Variants in LNX2 observed in about 807,000 individuals in gnomAD.
LNX2 encodes the protein ligand of numb-protein X 2, also known as ligand of Numb protein X 2.
Under a neutral mutation model 66.2 loss-of-function variants are expected in LNX2, and 35 were observed. The observed-to-expected ratio is 0.53, with a 90% CI of 0.40 to 0.70. The LOEUF (loss-of-function observed/expected upper bound fraction) is 0.70. Ranked by LOEUF, LNX2 falls within the 30% of genes least tolerant of loss-of-function variation. LNX2 has a pLI of 0.00. For missense variants in LNX2, 791 were observed against 850.8 expected, an observed-to-expected ratio of 0.93 and a Z score of 0.87; for synonymous variants, 337 against 315.6, an observed-to-expected ratio of 1.07 and a Z score of -0.72.
chr13:27,561,363 C>T (rs769632436), intron 5 of LNX2, among the ~76,000 whole-genome samples: 8 of 151,892 alleles, frequency 5.3e-5, no homozygotes, highest in African/African-American at 9.7e-5. Context: ...CTTTCTTCTT[C>T]CTCCTCCTCT....
At position 27,548,100 on chromosome 13, in the gene LNX2, ATTCTG is replaced by A; in HGVS notation, c.*230_*234del. ...GTAACATTTTAACAACTAAGTCTGA[ATTCTG>A]AAAATATAAACTCACAAAGGTTAGT... On this transcript the variant is annotated 3_prime_UTR_variant, in exon 10 of 10. Coordinates refer to ENST00000316334, the MANE Select transcript of LNX2 (RefSeq NM_153371.4). 2.1e-6 allele frequency: 1 copy of A among 478,816 alleles called. No homozygotes were observed. The highest frequency in any genetic ancestry group is 3.7e-6 in the Non-Finnish European group (1 of 270,036). The allele number at this position is 478,816 out of a possible 1,614,324, so 29.7% of individuals were successfully genotyped here.
chr13:27,557,453 A>T (rs113083953), intron 6 of LNX2, among the ~76,000 whole-genome samples: 345 of 152,210 alleles, frequency 2.3e-3, no homozygotes, highest in African/African-American at 7.9e-3. Flanking sequence ...TACATATTGT[A>T]TATATGCACC....
At chr13:27,613,870 A>G (rs1218097099) in intron 1 of LNX2, among the ~76,000 whole-genome samples, 1 of 152,256 alleles carries the variant, frequency 6.6e-6, no homozygotes. Context: ...TTTAAATACT[A>G]CAAGGGCAGA....
rs1415225372 is a variant in LNX2 at position 27,581,699 on chromosome 13, C to T, written c.5G>A (p.Gly2Glu). M[G>E]TTSDEMVSVE... ...AGACACCATCTCATCACTTGTTGTT[C>T]CCATTTTGAATCAATTCTGTATCCT... Residue 2 changes from glycine (G) to glutamate (E), a missense_variant, in exon 2 of 10, where the codon GGA becomes GAA. Gly to Glu is a moderately conservative substitution (Grantham distance 98). Coordinates refer to ENST00000316334, the MANE Select transcript of LNX2 (RefSeq NM_153371.4). 53 of 1,594,596 alleles carry T rather than the reference C, an allele frequency of 3.3e-5. No individual in the cohort carries two copies. The highest frequency in any genetic ancestry group is 4.4e-5 in the Non-Finnish European group (51 of 1,170,646).
intron 1 of LNX2, among the ~76,000 whole-genome samples, chr13:27,606,704 C>T (rs1431773112): frequency 6.6e-6 from 1 of 152,076 alleles, no homozygotes; most frequent in African/African-American, 2.4e-5. Context: ...TCCAGGCGAA[C>T]CAGGTAGCTG....
At chr13:27,593,309 C>T (rs989225850) in intron 1 of LNX2, among the ~76,000 whole-genome samples, 5 of 152,120 alleles carry the variant, frequency 3.3e-5, no homozygotes, top group Non-Finnish European at 5.9e-5. Context: ...AAAATAAAAA[C>T]AAATCATTCT....
chr13:27,550,654 A>T (rs1954997411), intron 8 of LNX2, among the ~76,000 whole-genome samples, 163 bp from the exon 9 acceptor site: 1 of 152,194 alleles, frequency 6.6e-6, no homozygotes, highest in Non-Finnish European at 1.5e-5. Flanking sequence ...TAGCAGAGAC[A>T]CAGTCCTAGG....
chr13:27,562,509 G>C lies in LNX2; in HGVS notation c.1128C>G (p.Ala376=). The stretch of plus-strand genomic sequence containing the variant: ...CATTGCTGCTTAGCCTGCCGTCCTG[G>C]GCAGCCAACCCCCCTTCCAACAGGT... ...ILDLLEGGLA[A]QDGRLSSNDR... is the part of the protein sequence containing the mutation. The change falls in exon 5 of 10, where the codon GCC becomes GCG. Residue 376 remains alanine, a synonymous_variant. Coordinates refer to ENST00000316334, the MANE Select transcript of LNX2 (RefSeq NM_153371.4). 1 of 1,614,066 alleles carries C rather than the reference G, an allele frequency of 6.2e-7. No individual in the cohort carries two copies. The highest frequency in any genetic ancestry group is 8.5e-7 in the Non-Finnish European group (1 of 1,180,004).
chr13:27,583,256 G>GCC (rs1955439642), intron 1 of LNX2, among the ~76,000 whole-genome samples: 1 of 46,532 alleles, frequency 2.1e-5, no homozygotes, highest in Admixed American at 2.5e-4. Flanking sequence ...GTGTGTGTGT[G>GCC]CGCGCGTCCT....
At chr13:27,594,196 CTTT>C (rs1242119963) in intron 1 of LNX2, among the ~76,000 whole-genome samples, 2 of 151,168 alleles carry the variant, frequency 1.3e-5, no homozygotes, top group East Asian at 3.9e-4. Context: ...TAATTTGCAT[CTTT>C]TTTAGTCCAG....
intron 1 of LNX2, among the ~76,000 whole-genome samples, chr13:27,604,307 T>A (rs1405305320): frequency 1.3e-5 from 2 of 152,208 alleles, no homozygotes; most frequent in African/African-American, 4.8e-5. Flanking sequence ...CCCTCTCAGA[T>A]GAGGAGAGCA....
chr13:27,589,921 C>T (rs879362877), intron 1 of LNX2, among the ~76,000 whole-genome samples: 1 of 152,210 alleles, frequency 6.6e-6, no homozygotes, highest in Non-Finnish European at 1.5e-5. Flanking sequence ...TCTTCATTAA[C>T]AGCAGTCTTC....
intron 1 of LNX2, among the ~76,000 whole-genome samples, chr13:27,594,444 A>C (rs1355717429): frequency 6.6e-6 from 1 of 152,168 alleles, no homozygotes; most frequent in Non-Finnish European, 1.5e-5. Context: ...GTAATTGAAT[A>C]CACTCACTTT....
chr13:27,613,397 C>A (rs1333112547), intron 1 of LNX2, among the ~76,000 whole-genome samples: 1 of 152,072 alleles, frequency 6.6e-6, no homozygotes, highest in African/African-American at 2.4e-5. Context: ...GACGGAGGTC[C>A]AACTACAGGA....
At chr13:27,591,901 C>CA (rs1417142379) in intron 1 of LNX2, among the ~76,000 whole-genome samples, 1 of 152,004 alleles carries the variant, frequency 6.6e-6, no homozygotes, top group African/African-American at 2.4e-5. Flanking sequence ...AATTTAAAAC[C>CA]AAAAAGAAGT....
chr13:27,553,169 A>G, intron 8 of LNX2, 39 bp downstream of exon 8: 1 of 1,540,056 alleles, frequency 6.5e-7, no homozygotes, highest in African/African-American at 1.4e-5. Context: ...TGCAAGCATG[A>G]TTATGATTTC....
chr13:27,599,823 G>C (rs1235054455), intron 1 of LNX2, among the ~76,000 whole-genome samples: 1 of 152,020 alleles, frequency 6.6e-6, no homozygotes, highest in Non-Finnish European at 1.5e-5. Flanking sequence ...TCAAACTCAA[G>C]AAACACACAT....
chr13:27,603,543 G>A (rs573852327), intron 1 of LNX2, among the ~76,000 whole-genome samples: 2 of 152,296 alleles, frequency 1.3e-5, no homozygotes, highest in Admixed American at 1.3e-4. Flanking sequence ...AACTCAGCAG[G>A]TGACAGTCCA....
chr13:27,586,203 A>T (rs1468655019), intron 1 of LNX2, among the ~76,000 whole-genome samples: 2 of 151,978 alleles, frequency 1.3e-5, no homozygotes, highest in Non-Finnish European at 2.9e-5. Flanking sequence ...TTAAAAATAG[A>T]GAATCAAATG....
Sources: gnomAD v4.1 joint callset for allele counts (sites outside exome capture counted in the v4.1 genomes callset) on GRCh38, gnomAD v4.1.1 for gene constraint, MANE v1.5 for transcripts, NCBI Gene and HGNC (gene_info 2026-07-23, HGNC 2026-07-21) for gene names.